IFT88: variants seen among roughly 807,000 people sequenced by gnomAD.
IFT88 encodes intraflagellar transport protein 88 homolog.
A neutral mutation model predicts 119.5 loss-of-function variants in IFT88; 74 were observed. The ratio of observed to expected loss-of-function variants is 0.62; its 90% CI spans 0.51 to 0.75. The LOEUF (loss-of-function observed/expected upper bound fraction) is 0.75. Ranked by LOEUF, IFT88 falls within the 30% of genes least tolerant of loss-of-function variation. The pLI is 0.00. For synonymous variants in IFT88, 279 were observed against 316.7 expected, an observed-to-expected ratio of 0.88 and a Z score of 1.26; for missense variants, 961 against 977.7, an observed-to-expected ratio of 0.98 and a Z score of 0.23.
intron 3 of IFT88, among the ~76,000 whole-genome samples, chr13:20,587,563 G>A (rs1458238555): frequency 1.3e-5 from 2 of 152,032 alleles, no homozygotes; most frequent in African/African-American, 4.8e-5. Flanking sequence ...TGGCCTACTG[G>A]TTCTATTTTT....
intron 24 of IFT88, among the ~76,000 whole-genome samples, chr13:20,680,712 C>T (rs1044092797): frequency 9.2e-5 from 14 of 152,152 alleles, no homozygotes; most frequent in African/African-American, 3.4e-4. Flanking sequence ...GGGGGGTCCT[C>T]GGGTTCCTCC....
intron 21 of IFT88, among the ~76,000 whole-genome samples, chr13:20,655,683 G>C (rs1323036860): frequency 6.6e-6 from 1 of 151,796 alleles, no homozygotes; most frequent in Non-Finnish European, 1.5e-5. Context: ...TAGTAGAGAA[G>C]GGGTTTCACC....
At chr13:20,615,954 T>G (rs867699809) in intron 14 of IFT88, 75 bp downstream of exon 14, 1 of 758,628 alleles carries the variant, frequency 1.3e-6, no homozygotes, top group South Asian at 2.3e-5. Context: ...TAAATTAATA[T>G]TGTCATTAGA....
chr13:20,627,284 A>T (rs1301854571), intron 15 of IFT88, among the ~76,000 whole-genome samples: 1 of 152,214 alleles, frequency 6.6e-6, no homozygotes, highest in Non-Finnish European at 1.5e-5. Context: ...CATGGAAGTG[A>T]CGTGAATCAA....
intron 13 of IFT88, chr13:20,607,313 G>A (rs1276216054): frequency 1.5e-5 from 7 of 466,078 alleles, no homozygotes; most frequent in South Asian, 1.1e-4. Flanking sequence ...CAAGTACTTC[G>A]CATCCCTGTC....
chr13:20,598,749 T>A lies in IFT88; in HGVS notation c.693T>A (p.Asn231Lys). 1 of 1,566,450 alleles carries A rather than the reference T, an allele frequency of 6.4e-7. No homozygotes were observed. Among genetic ancestry groups the A allele is most frequent in the Non-Finnish European group, 8.8e-7 (1 of 1,138,108 alleles). The part of the protein sequence containing the change: ...QVIVKNKMFS[N>K]AGILKMNMGN... ...TAGTCAAAAATAAGATGTTTAGCAA[T>A]GCAGGTAAGTGTACATAATCAGTTT... Residue 231 changes from asparagine (N) to lysine (K), a missense_variant, in exon 10 of 26, where the codon AAT becomes AAA. Coordinates refer to ENST00000351808, the MANE Select transcript of IFT88 (RefSeq NM_006531.5).
intron 24 of IFT88, among the ~76,000 whole-genome samples, chr13:20,686,651 C>G (rs954708688): frequency 6.6e-6 from 1 of 152,108 alleles, no homozygotes; most frequent in Non-Finnish European, 1.5e-5. Context: ...TGATAAAAAT[C>G]TCTGCCGCAA....
At chr13:20,598,182 G>T (rs1368203255) in intron 9 of IFT88, among the ~76,000 whole-genome samples, 1 of 152,042 alleles carries the variant, frequency 6.6e-6, no homozygotes, top group African/African-American at 2.4e-5. Context: ...AATTTATGAT[G>T]ATCATTTTTT....
At chr13:20,663,393 A>G (rs1348112691) in intron 22 of IFT88, 105 bp from the exon 23 acceptor site, 1 of 1,546,258 alleles carries the variant, frequency 6.5e-7, no homozygotes, top group Non-Finnish European at 8.7e-7. Flanking sequence ...ATTTGTAAGC[A>G]TCATTCCTAC....
chr13:20,591,658 G>A lies in IFT88; in HGVS notation c.305G>A (p.Gly102Asp), dbSNP rs1209645668. 1 of 1,612,262 alleles carries A rather than the reference G, an allele frequency of 6.2e-7. No homozygotes were observed. The highest frequency in any genetic ancestry group is 1.3e-5 in the African/African-American group (1 of 74,842). ...CCCATGACAGCAGTGAGAGCAGCTG[G>A]TTTTACCAAAGCAGCTTTGAGAGGT... is the stretch of plus-strand genomic sequence containing the variant. ...TRPMTAVRAA[G>D]FTKAALRGSA... Residue 102 changes from glycine (G) to aspartate (D), a missense_variant, in exon 6 of 26, where the codon GGT becomes GAT. Gly to Asp is a moderately conservative substitution (Grantham distance 94). Coordinates refer to ENST00000351808, the MANE Select transcript of IFT88 (RefSeq NM_006531.5).
At chr13:20,623,321 C>T (rs2046814119) in intron 14 of IFT88, among the ~76,000 whole-genome samples, 1 of 152,138 alleles carries the variant, frequency 6.6e-6, no homozygotes, top group Admixed American at 6.5e-5. Flanking sequence ...GTATGAATTT[C>T]AGGATGGATT....
intron 13 of IFT88, among the ~76,000 whole-genome samples, chr13:20,606,793 T>G (rs1287835923): frequency 6.6e-6 from 1 of 152,014 alleles, no homozygotes; most frequent in African/African-American, 2.4e-5. Flanking sequence ...ACAGGAGAAT[T>G]GCTTGAACCC....
intron 22 of IFT88, among the ~76,000 whole-genome samples, chr13:20,662,194 T>C (rs1162330086): frequency 6.6e-6 from 1 of 151,582 alleles, no homozygotes; most frequent in Non-Finnish European, 1.5e-5. Context: ...GGTTCTGGAG[T>C]AGACCTCCAG....
intron 3 of IFT88, among the ~76,000 whole-genome samples, chr13:20,586,328 T>G (rs2039654737): frequency 6.6e-6 from 1 of 152,204 alleles, no homozygotes; most frequent in Non-Finnish European, 1.5e-5. Flanking sequence ...AGGTTGCTCC[T>G]AAGGAGCTTA....
At chr13:20,688,642 A>G (rs1448233400) in intron 24 of IFT88, among the ~76,000 whole-genome samples, 2 of 152,246 alleles carry the variant, frequency 1.3e-5, no homozygotes, top group Non-Finnish European at 2.9e-5. Flanking sequence ...AAGAAAAAGT[A>G]TGCATGCATG....
At chr13:20,661,265 G>A (rs928234456) in intron 22 of IFT88, among the ~76,000 whole-genome samples, 4 of 152,276 alleles carry the variant, frequency 2.6e-5, no homozygotes, top group African/African-American at 4.8e-5. Flanking sequence ...TGAAGGGTAC[G>A]GAGGGTTTTA....
At chr13:20,593,583 G>A (rs1049834189) in intron 7 of IFT88, among the ~76,000 whole-genome samples, 6 of 150,990 alleles carry the variant, frequency 4.0e-5, no homozygotes, top group Admixed American at 6.6e-5. Flanking sequence ...TTAGGCTTTC[G>A]TGTAAATTAC....
intron 1 of IFT88, chr13:20,567,944 C>T (rs1338480523): frequency 7.1e-6 from 5 of 699,850 alleles, no homozygotes; most frequent in Admixed American, 2.0e-5. Context: ...CTTCCCTGGG[C>T]CACATCGGAA....
At chr13:20,682,205 G>A (rs1196037711) in intron 24 of IFT88, among the ~76,000 whole-genome samples, 1 of 152,226 alleles carries the variant, frequency 6.6e-6, no homozygotes, top group Non-Finnish European at 1.5e-5. Context: ...ATTAGAGTCT[G>A]TGAATTAGCA....
Sources: gnomAD v4.1 joint callset for allele counts (sites outside exome capture counted in the v4.1 genomes callset) on GRCh38, gnomAD v4.1.1 for gene constraint, MANE v1.5 for transcripts, NCBI Gene and HGNC (gene_info 2026-07-23, HGNC 2026-07-21) for gene names.